The following ZDHHC11 variants were observed in gnomAD, a reference collection of about 807,000 sequenced individuals.
ZDHHC11 encodes the protein palmitoyltransferase ZDHHC11.
ZDHHC11 carries 44 observed loss-of-function variants against 51.3 expected under a neutral mutation model. The ratio of observed to expected loss-of-function variants is 0.86; its 90% CI spans 0.67 to 1.10. The LOEUF is 1.10. ZDHHC11 is among the 50% of genes least tolerant of loss of function. The pLI, the probability that ZDHHC11 is intolerant of heterozygous loss-of-function variation, is 0.00. For missense variants in ZDHHC11, 400 were observed against 537.7 expected (o/e 0.74, Z 2.53); for synonymous variants, 163 against 222.0 (o/e 0.73, Z 2.36).
At chr5:814,178 A>G (rs902507850) in intron 11 of ZDHHC11, among the ~76,000 whole-genome samples, 2 of 146,436 alleles carry the variant, frequency 1.4e-5, no homozygotes, top group South Asian at 4.3e-4. Flanking sequence ...ATGTTCTGTG[A>G]GAAGTGTATC....
At chr5:850,013 C>T (rs570377321) in intron 1 of ZDHHC11, among the ~76,000 whole-genome samples, 4 of 152,232 alleles carry the variant, frequency 2.6e-5, no homozygotes, top group South Asian at 2.1e-4. Context: ...CGGGGCATGG[C>T]GCTGTTCCTC....
In ZDHHC11 at chr5:850,511, A is replaced by G. The variant is rs1353444135; in HGVS notation, c.92T>C (p.Val31Ala). ...GTGCAGGGGTAACGACCAGCCGTTC[A>G]CTCTGGAGATGCGGGGCGGCAAGAC... Reference protein sequence around the residue: ...KLVLPPRISRVNGWSLPLHYF... With the variant: ...KLVLPPRISRANGWSLPLHYF... The change falls in exon 1 of 13, where the codon GTG becomes GCG. Residue 31 changes from valine to alanine, a missense_variant. Around this residue, in one of 5 missense-constraint regions of ZDHHC11, gnomAD observed 119 missense variants for 99.6 expected, o/e 1.20. Transcript: ENST00000283441. 6.2e-7 allele frequency: 1 copy of G among 1,613,612 alleles called. No individual in the cohort carries two copies. The highest frequency in any genetic ancestry group is 1.3e-5 in the African/African-American group (1 of 74,924).
chr5:848,937 C>G (rs1227976848), intron 1 of ZDHHC11, among the ~76,000 whole-genome samples: 9 of 151,850 alleles, frequency 5.9e-5, no homozygotes, highest in Admixed American at 5.9e-4. Flanking sequence ...GCACAGCCAG[C>G]CCTGCACACC....
intron 7 of ZDHHC11, among the ~76,000 whole-genome samples, chr5:825,621 A>T (rs1302624055): frequency 1.3e-5 from 2 of 152,158 alleles, no homozygotes; most frequent in African/African-American, 4.8e-5. Flanking sequence ...GCATGTGGAG[A>T]CTCATACTGT....
At chr5:809,992 G>A (rs1204853801) in intron 11 of ZDHHC11, among the ~76,000 whole-genome samples, 2 of 26,400 alleles carry the variant, frequency 7.6e-5, no homozygotes, top group South Asian at 2.1e-3. Flanking sequence ...TAGGAAGCGC[G>A]GGAGGAAGGA....
intron 9 of ZDHHC11, among the ~76,000 whole-genome samples, chr5:820,665 T>C (rs1381173456): frequency 6.6e-6 from 1 of 151,336 alleles, no homozygotes; most frequent in Non-Finnish European, 1.5e-5. Context: ...GGGGCTGTGA[T>C]GTGGTCCCCT....
At chr5:845,677 G>C (rs1221111539) in intron 3 of ZDHHC11, among the ~76,000 whole-genome samples, 1 of 151,884 alleles carries the variant, frequency 6.6e-6, no homozygotes, top group East Asian at 1.9e-4. Flanking sequence ...CCTCCCTCGC[G>C]GGGGCTCTGC....
intron 8 of ZDHHC11, chr5:824,029 C>T (rs1741927254): frequency 2.2e-6 from 1 of 454,426 alleles, no homozygotes; most frequent in African/African-American, 2.0e-5. Flanking sequence ...TGGGCTGATC[C>T]CTTTTTATTT....
At chr5:846,520 TC>T (rs1746191692) in intron 3 of ZDHHC11, among the ~76,000 whole-genome samples, 1 of 142,198 alleles carries the variant, frequency 7.0e-6, no homozygotes, top group Admixed American at 6.9e-5. Flanking sequence ...TTCTTGAGCC[TC>T]CACCGTGCTC....
rs1192042994 is a variant in ZDHHC11 at position 822,360 on chromosome 5, G to A, written c.1024-465C>T. Among the ~76,000 whole-genome samples the A allele has an allele frequency of 7.9e-5, 12 of 151,554 alleles. 1 individual carries two copies. Among genetic ancestry groups the A allele is most frequent in the East Asian group, 3.9e-4 (2 of 5,180 alleles). On this transcript the variant is annotated intron_variant, in intron 8 of 12. Coordinates refer to ENST00000283441, the MANE Select transcript of ZDHHC11 (RefSeq NM_024786.3). ...GGGAGAAACCAACCCTGCAGACACC[G>A]TGCTCTGGGACTTCCAGCCTGCAGA...
upstream of ZDHHC11, among the ~76,000 whole-genome samples, chr5:855,190 A>G (rs1666895166): frequency 7.0e-6 from 1 of 143,462 alleles, no homozygotes; most frequent in South Asian, 2.3e-4. Flanking sequence ...AGCCGGGGAG[A>G]CAGACCCCAT....
chr5:840,424 T>C (rs1339755178), intron 5 of ZDHHC11, 71 bp downstream of exon 5: 18 of 1,607,824 alleles, frequency 1.1e-5, no homozygotes, highest in Non-Finnish European at 1.3e-5. Context: ...CATACTCAAG[T>C]AGAGGTGTAA....
At chr5:804,128 TACC>T (rs1738896813) in intron 11 of ZDHHC11, among the ~76,000 whole-genome samples, 1 of 151,312 alleles carries the variant, frequency 6.6e-6, no homozygotes, top group Admixed American at 6.6e-5. Flanking sequence ...CACTTTCAGT[TACC>T]TCTGGGTAAC....
rs148573297 is a variant in ZDHHC11, at chr5:813,034, C to G, written c.1181+1727G>C. Among the ~76,000 whole-genome samples the G allele has an allele frequency of 7.7e-3, 1,113 of 143,708 alleles. 37 individuals carry two copies. The highest frequency in any genetic ancestry group is 0.028 in the African/African-American group (1,032 of 36,320). The allele number at this position is 143,708 out of a possible 152,430, so 94.3% of individuals were successfully genotyped here. ...GTATAAGTTAGGTATTAAATTCTCC[C>G]CCATCTAAATGTTGCTCCATGGCCA... is the stretch of plus-strand genomic sequence containing the variant. On this transcript the variant is annotated intron_variant, in intron 11 of 12. Transcript: ENST00000283441.
At chr5:813,944 C>G (rs1740428021) in intron 11 of ZDHHC11, among the ~76,000 whole-genome samples, 1 of 151,004 alleles carries the variant, frequency 6.6e-6, no homozygotes, top group African/African-American at 2.4e-5. Flanking sequence ...TCTTACCTTT[C>G]CACTTCATTT....
rs371629561 is a variant in ZDHHC11, at chr5:838,617, G to A, written c.785-1137C>T. On this transcript the variant is annotated intron_variant, in intron 5 of 12. Transcript: ENST00000283441. ...CTCTGGGTCACGGGGGTGGGGACAG[G>A]CCTGGGCGTCCTGCCTCCCGCCCAC... Among the ~76,000 whole-genome samples, 90 of 152,236 alleles carry A rather than the reference G, an allele frequency of 5.9e-4. No individual in the cohort carries two copies. In the East Asian group the frequency reaches 0.016, roughly 28 times the overall value.
intron 9 of ZDHHC11, among the ~76,000 whole-genome samples, chr5:819,999 G>A (rs1237996848): frequency 6.6e-6 from 1 of 151,288 alleles, no homozygotes; most frequent in Non-Finnish European, 1.5e-5. Context: ...GGGGTGTCAG[G>A]TGGGTCAGGT....
At chr5:801,671 G>T (rs886977044) in intron 11 of ZDHHC11, among the ~76,000 whole-genome samples, 3 of 151,362 alleles carry the variant, frequency 2.0e-5, no homozygotes, top group Non-Finnish European at 3.0e-5. Flanking sequence ...GTTTATGTGT[G>T]CTGGCCAGCT....
chr5:843,964 GCA>G (rs1160501450), intron 3 of ZDHHC11, among the ~76,000 whole-genome samples: 3 of 94,022 alleles, frequency 3.2e-5, no homozygotes, highest in Non-Finnish European at 5.5e-5. Flanking sequence ...GGTGGGGGGT[GCA>G]GAGGCAGGGG....
Sources: allele counts gnomAD v4.1 joint callset (sites outside exome capture counted in the v4.1 genomes callset), GRCh38; gene constraint gnomAD v4.1.1; regional missense constraint gnomAD v4.1.1; transcripts MANE v1.5; gene names NCBI Gene and HGNC (gene_info 2026-07-23, HGNC 2026-07-21).